The following NFATC3 variants were observed in gnomAD, a reference collection of about 807,000 sequenced individuals.
NFATC3 encodes nuclear factor of activated T cells 3, also known as nuclear factor of activated T-cells, cytoplasmic 3.
Under a neutral mutation model 98.6 loss-of-function variants are expected in NFATC3, and 46 were observed. The observed-to-expected ratio is 0.47, with a 90% CI of 0.37 to 0.60. NFATC3 has a LOEUF of 0.60. NFATC3 is among the 20% of genes least tolerant of loss of function. NFATC3 has a pLI of 0.00. For synonymous variants in NFATC3, 512 were observed against 472.2 expected, an observed-to-expected ratio of 1.08 and a Z score of -1.09; for missense variants, 1,256 against 1,295.5, an observed-to-expected ratio of 0.97 and a Z score of 0.47.
Position 68,089,043 on chromosome 16 carries a change from T to A in NFATC3, c.103+3259T>A, listed in dbSNP as rs954251967. The A allele has an allele frequency of 5.1e-6, 5 of 985,336 alleles. No homozygotes were observed. In the Admixed American group the frequency reaches 2.5e-4, roughly 48 times the overall value. 61.0% of individuals were successfully genotyped at this position (985,336 alleles called of 1,614,324 possible). ...ACTGCTCTTTCGTGGTAGAGGAAAT[T>A]GACGAGAATTGTTTCAGTTCTTTGG... On this transcript the variant is annotated intron_variant, in intron 1 of 9. Transcript: ENST00000346183.
intron 3 of NFATC3, among the ~76,000 whole-genome samples, chr16:68,146,521 G>T (rs1285166009): frequency 6.6e-6 from 1 of 152,096 alleles, no homozygotes; most frequent in Admixed American, 6.5e-5. Context: ...TTTGAAAAAT[G>T]AAGTTTGTAT....
At chr16:68,168,967 T>C (rs2039340395) in intron 5 of NFATC3, among the ~76,000 whole-genome samples, 1 of 152,216 alleles carries the variant, frequency 6.6e-6, no homozygotes, top group African/African-American at 2.4e-5. Flanking sequence ...ATATTCTTTG[T>C]ATAGATAGGG....
intron 1 of NFATC3, among the ~76,000 whole-genome samples, chr16:68,105,981 C>T (rs923917678): frequency 1.4e-4 from 21 of 151,698 alleles, no homozygotes; most frequent in African/African-American, 4.8e-4. Flanking sequence ...TGGGTTCAGG[C>T]GATTCTCCTG....
chr16:68,137,753 A>C (rs1274005777), intron 3 of NFATC3, among the ~76,000 whole-genome samples: 5 of 151,672 alleles, frequency 3.3e-5, no homozygotes, highest in Non-Finnish European at 7.4e-5. Flanking sequence ...AGCTGGGACT[A>C]CAGGTGCCCG....
intron 9 of NFATC3, among the ~76,000 whole-genome samples, chr16:68,196,886 C>T (rs963022098): frequency 2.0e-5 from 3 of 151,800 alleles, no homozygotes; most frequent in Middle Eastern, 3.4e-3. Flanking sequence ...CAAAATTAGC[C>T]TGGTGTGGTG....
At chr16:68,223,892 C>G (rs1170271576) in intron 9 of NFATC3, among the ~76,000 whole-genome samples, 2 of 129,276 alleles carry the variant, frequency 1.5e-5, no homozygotes, top group Non-Finnish European at 3.2e-5. Flanking sequence ...AAGACTCCAT[C>G]TCAAAAAAAA....
chr16:68,100,905 G>GTGTGTGT (rs1555513122), intron 1 of NFATC3, among the ~76,000 whole-genome samples: 1 of 142,190 alleles, frequency 7.0e-6, no homozygotes, highest in South Asian at 2.1e-4. Context: ...GTGTGTGTGT[G>GTGTGTGT]GGGTGTGTGT....
Position 68,183,266 on chromosome 16 carries a change from A to G in NFATC3, c.1998A>G (p.Pro666=), listed in dbSNP as rs749077588. ...CTCACATTGTCCTTGAAGTTCCTCC[A>G]TATCATAACCCAGCAGTTACAGCTG... ...QGAHIVLEVP[P]YHNPAVTAAV... The change falls in exon 8 of 10, where the codon CCA becomes CCG. Residue 666 remains proline (P), a synonymous_variant. Transcript: ENST00000346183. 6.3e-7 allele frequency: 1 copy of G among 1,597,128 alleles called. No homozygotes were observed. Among genetic ancestry groups the G allele is most frequent in the East Asian group, 2.2e-5 (1 of 44,796 alleles).
intron 3 of NFATC3, among the ~76,000 whole-genome samples, chr16:68,139,190 G>A (rs1001632216): frequency 1.4e-4 from 22 of 152,180 alleles, no homozygotes; most frequent in Admixed American, 9.8e-4. Context: ...ATGCGATAGA[G>A]GTTAATTATG....
chr16:68,129,768 C>A (rs1312343873), intron 3 of NFATC3, among the ~76,000 whole-genome samples: 3 of 150,850 alleles, frequency 2.0e-5, no homozygotes, highest in African/African-American at 4.9e-5. Flanking sequence ...GTCTCAAACT[C>A]CTAGGATCAG....
intron 3 of NFATC3, among the ~76,000 whole-genome samples, chr16:68,145,581 C>T (rs1402261214): frequency 5.9e-5 from 9 of 152,150 alleles, no homozygotes. Flanking sequence ...TTGGACAGTT[C>T]TCCATAGACT....
chr16:68,093,119 A>G (rs557773743), intron 1 of NFATC3, among the ~76,000 whole-genome samples: 1 of 152,298 alleles, frequency 6.6e-6, no homozygotes, highest in South Asian at 2.1e-4. Flanking sequence ...TATCAAGCTC[A>G]TCACCTTTAT....
At chr16:68,201,534 G>A (rs2040915111) in intron 9 of NFATC3, among the ~76,000 whole-genome samples, 1 of 151,492 alleles carries the variant, frequency 6.6e-6, no homozygotes, top group Admixed American at 6.6e-5. Flanking sequence ...GCCTCCCAAA[G>A]TGCTGGTATT....
chr16:68,173,148 G>GCATGTGCTGGGA (rs2039542017), intron 5 of NFATC3, among the ~76,000 whole-genome samples: 1 of 152,106 alleles, frequency 6.6e-6, no homozygotes, highest in Non-Finnish European at 1.5e-5. Context: ...TGTAGTCCCA[G>GCATGTGCTGGGA]CTACTTGGGA....
chr16:68,099,172 G>A (rs1276193347), intron 1 of NFATC3, among the ~76,000 whole-genome samples: 3 of 152,176 alleles, frequency 2.0e-5, no homozygotes, highest in Non-Finnish European at 2.9e-5. Flanking sequence ...GGTGGCTCAC[G>A]CCTGTAGTCC....
intron 4 of NFATC3, among the ~76,000 whole-genome samples, chr16:68,165,269 A>T (rs1222490790): frequency 6.6e-6 from 1 of 152,082 alleles, no homozygotes; most frequent in Non-Finnish European, 1.5e-5. Context: ...TAGTTTTCAA[A>T]ATTGTTGCAT....
rs144660442 is a variant in NFATC3, at chr16:68,134,037, A to G, written c.1401+7427A>G. On this transcript the variant is annotated intron_variant, in intron 3 of 9. Transcript: ENST00000346183. ...TTCTTATTCCTCCACATTGTCACCAAGTGTTACACTTGTTAGTCTTTTAAT... is the reference window on the plus strand; with the variant it reads ...TTCTTATTCCTCCACATTGTCACCAGGTGTTACACTTGTTAGTCTTTTAAT... 4.6e-3 allele frequency among the ~76,000 whole-genome samples: 698 copies of G among 152,340 alleles called. 5 individuals are homozygous for G. The highest frequency in any genetic ancestry group is 7.0e-3 in the Non-Finnish European group (478 of 68,044).
At chr16:68,156,091 G>A (rs545276936) in intron 3 of NFATC3, among the ~76,000 whole-genome samples, 141 of 152,094 alleles carry the variant, frequency 9.3e-4, no homozygotes, top group African/African-American at 2.7e-3. Context: ...GGGGTGGATC[G>A]CCTGAGGTCA....
chr16:68,092,162 T>C (rs966980367), intron 1 of NFATC3, among the ~76,000 whole-genome samples: 1 of 152,174 alleles, frequency 6.6e-6, no homozygotes, highest in Non-Finnish European at 1.5e-5. Context: ...TAGTTAATAT[T>C]CATGTGTGAG....
Sources: allele counts gnomAD v4.1 joint callset (sites outside exome capture counted in the v4.1 genomes callset), GRCh38; gene constraint gnomAD v4.1.1; transcripts MANE v1.5; gene names NCBI Gene and HGNC (gene_info 2026-07-23, HGNC 2026-07-21).